CARD8: variants seen among roughly 807,000 people sequenced by gnomAD.
The protein encoded by CARD8 is caspase recruitment domain-containing protein 8.
In CARD8, 38 loss-of-function variants were observed where a neutral mutation model predicts 53.2. The observed-to-expected ratio is 0.71, with a 90% confidence interval of 0.55 to 0.94. The LOEUF (loss-of-function observed/expected upper bound fraction) is 0.94. CARD8 is among the 40% of genes least tolerant of loss of function. The probability of loss-of-function intolerance (pLI) is 0.00; values close to 1 mark genes in which losing one functional copy is unlikely to be tolerated. For missense variants in CARD8, 561 were observed against 655.5 expected, an observed-to-expected ratio of 0.86 and a Z score of 1.57; for synonymous variants, 245 against 244.9, an observed-to-expected ratio of 1.00 and a Z score of 0.00.
chr19:48,212,368 T>C (rs1236500003), intron 13 of CARD8, among the ~76,000 whole-genome samples: 1 of 152,206 alleles, frequency 6.6e-6, no homozygotes, highest in East Asian at 1.9e-4. Context: ...GCTAGAGGTA[T>C]GGAGAAGGAT....
chr19:48,222,705 A>AG (rs1477028655), intron 10 of CARD8, among the ~76,000 whole-genome samples: 1 of 151,786 alleles, frequency 6.6e-6, no homozygotes, highest in Non-Finnish European at 1.5e-5. Context: ...AAAAAAAAAA[A>AG]TCTATCTGAG....
chr19:48,251,913 C>T (rs1033433237), intron 1 of CARD8, among the ~76,000 whole-genome samples: 3 of 152,106 alleles, frequency 2.0e-5, no homozygotes, highest in African/African-American at 7.2e-5. Flanking sequence ...AACACAGAGC[C>T]ACCCATACCA....
chr19:48,254,578 C>T (rs1405080386), intron 1 of CARD8, among the ~76,000 whole-genome samples: 2 of 152,002 alleles, frequency 1.3e-5, no homozygotes, highest in East Asian at 1.9e-4. Context: ...AGTGAAACCC[C>T]GTCTCTACTA....
intron 1 of CARD8, among the ~76,000 whole-genome samples, chr19:48,251,488 G>A (rs1040503840): frequency 2.6e-5 from 4 of 152,042 alleles, no homozygotes; most frequent in African/African-American, 4.8e-5. Flanking sequence ...GCTAATCTAC[G>A]TTCACATCAC....
At chr19:48,221,914 C>A in intron 10 of CARD8, 59 bp from the exon 11 acceptor site, 2 of 1,452,788 alleles carry the variant, frequency 1.4e-6, no homozygotes, top group South Asian at 2.8e-5. Context: ...CAAGTAGTGG[C>A]ATAAAAAGTT....
At chr19:48,215,306 A>G in intron 13 of CARD8, 34 bp downstream of exon 13, 4 of 1,539,598 alleles carry the variant, frequency 2.6e-6, no homozygotes, top group Non-Finnish European at 3.6e-6. Flanking sequence ...TGTCTCATAC[A>G]TACCCTTGGC....
intron 1 of CARD8, among the ~76,000 whole-genome samples, chr19:48,255,263 G>A (rs747422940): frequency 1.3e-5 from 2 of 152,174 alleles, no homozygotes; most frequent in Non-Finnish European, 2.9e-5. Context: ...CTACTTGGGA[G>A]ACTGAGGCAC....
rs1398873512 is a variant in CARD8 at position 48,230,845 on chromosome 19, A to G, written c.704T>C (p.Phe235Ser). The change falls in exon 9 of 14, where the codon TTT becomes TCT. Residue 235 changes from phenylalanine to serine, a missense_variant. Coordinates refer to ENST00000651546, the MANE Select transcript of CARD8 (RefSeq NM_001184900.3). ...HEQWLVGGPL[F>S]DVTAEPEEAV... Reference sequence around the variant, plus strand: ...CTCCTCTGGCTCTGCAGTGACATCAAACAAGGGGCCGCCCACCAGCCACTG... The same window carrying G: ...CTCCTCTGGCTCTGCAGTGACATCAGACAAGGGGCCGCCCACCAGCCACTG... 6.2e-7 allele frequency: 1 copy of G among 1,614,036 alleles called. No individual in the cohort carries two copies. The highest frequency in any genetic ancestry group is 1.3e-5 in the African/African-American group (1 of 74,898).
downstream of CARD8, chr19:48,204,130 G>A (rs1218875280): frequency 2.2e-6 from 1 of 454,534 alleles, no homozygotes; most frequent in South Asian, 1.6e-5. Flanking sequence ...TGGGCGCCGG[G>A]GCTGCAGTCT....
intron 12 of CARD8, among the ~76,000 whole-genome samples, chr19:48,217,886 A>G (rs1024944892): frequency 4.6e-5 from 7 of 152,236 alleles, no homozygotes; most frequent in Non-Finnish European, 1.0e-4. Context: ...TGGATAAAAC[A>G]TTTTCCAGAA....
At chr19:48,233,885 T>C (rs185390796) in intron 6 of CARD8, 1 of 160,048 alleles carries the variant, frequency 6.2e-6, no homozygotes, top group Admixed American at 6.3e-5. Flanking sequence ...AGGTTATTTA[T>C]GTCTCTTGTA....
chr19:48,218,936 G>A lies in CARD8; in HGVS notation c.1238C>T (p.Pro413Leu). Reference sequence around the variant, plus strand: ...TTTTTCAGTAATCTCAAGTTGAATGGGTTCCTTCATCTGCCCAGCATAGAA... The same window carrying A: ...TTTTTCAGTAATCTCAAGTTGAATGAGTTCCTTCATCTGCCCAGCATAGAA... Reference protein sequence around the residue: ...SKFYAGQMKEPIQLEITEKRH... With the variant: ...SKFYAGQMKELIQLEITEKRH... The change falls in exon 12 of 14, where the codon CCC becomes CTC. Residue 413 changes from proline (P) to leucine (L), a missense_variant. Transcript: ENST00000651546. The A allele has an allele frequency of 6.2e-7, 1 of 1,613,762 alleles. No homozygotes were observed.
intron 6 of CARD8, chr19:48,233,771 C>T (rs10418189): frequency 0.27 from 47,378 of 177,538 alleles, 6,939 homozygotes; most frequent in East Asian, 0.49. Flanking sequence ...TTAAATGATA[C>T]AAGCTAACAT....
intron 3 of CARD8, among the ~76,000 whole-genome samples, chr19:48,241,779 T>C (rs1243787508): frequency 2.0e-5 from 3 of 152,210 alleles, no homozygotes; most frequent in Admixed American, 2.0e-4. Context: ...ATCCATTACC[T>C]TCACCGGCTC....
At chr19:48,254,274 T>C (rs1268347691) in intron 1 of CARD8, among the ~76,000 whole-genome samples, 1 of 152,110 alleles carries the variant, frequency 6.6e-6, no homozygotes, top group Non-Finnish European at 1.5e-5. Context: ...AATAATTGAA[T>C]GAGAAAAGTT....
downstream of CARD8, among the ~76,000 whole-genome samples, chr19:48,207,590 G>A (rs142381056): frequency 7.2e-5 from 11 of 151,976 alleles, no homozygotes; most frequent in Non-Finnish European, 1.2e-4. Flanking sequence ...TACTCATAAC[G>A]TTTGCCCATT....
chr19:48,223,253 G>A (rs1166614226), intron 10 of CARD8, among the ~76,000 whole-genome samples: 5 of 151,674 alleles, frequency 3.3e-5, no homozygotes, highest in African/African-American at 4.8e-5. Flanking sequence ...GCAGTGAGTC[G>A]GGATCGCACC....
In CARD8 at chr19:48,231,675, C is replaced by T; in HGVS notation, c.527G>A (p.Ser176Asn). The change falls in exon 8 of 14, where the codon AGC becomes AAC. Residue 176 changes from serine to asparagine, a missense_variant. Coordinates refer to ENST00000651546, the MANE Select transcript of CARD8 (RefSeq NM_001184900.3). ...CCATTCTTACCTGTATCTGTTTGTG[C>T]TCTTATCAATCAACTCAACATCCAC... ...GNVDVELIDK[S>N]TNRYSVWFPT... 2 of 1,604,710 alleles carry T rather than the reference C, an allele frequency of 1.2e-6. No individual in the cohort carries two copies. The highest frequency in any genetic ancestry group is 1.7e-6 in the Non-Finnish European group (2 of 1,175,712).
rs2037825468 is a variant in CARD8 at position 48,210,650 on chromosome 19, CAT to C, written c.*1058_*1059del. 1 of 151,998 alleles carries C rather than the reference CAT, an allele frequency of 6.6e-6. No homozygotes were observed. The highest frequency in any genetic ancestry group is 2.4e-5 in the African/African-American group (1 of 41,378). The allele number at this position is 151,998 out of a possible 1,614,324, so 9.4% of individuals were successfully genotyped here. A position where few individuals can be genotyped will look rare whatever the true frequency, so the allele number is the denominator to read the frequency against. ...TGTGATAACAGTAGAATAGAAAAGACATAACAAACTGGCTGACTGAGGATAAA... is the reference window on the plus strand; with the variant it reads ...TGTGATAACAGTAGAATAGAAAAGACAACAAACTGGCTGACTGAGGATAAA... On this transcript the variant is annotated 3_prime_UTR_variant, in exon 14 of 14. Coordinates refer to ENST00000651546, the MANE Select transcript of CARD8 (RefSeq NM_001184900.3).
Sources: allele counts gnomAD v4.1 joint callset (sites outside exome capture counted in the v4.1 genomes callset), GRCh38; gene constraint gnomAD v4.1.1; transcripts MANE v1.5; gene names NCBI Gene and HGNC (gene_info 2026-07-23, HGNC 2026-07-21).